Variants in ZNF614 observed in about 807,000 individuals in gnomAD.
The protein encoded by ZNF614 is zinc finger protein 614.
ZNF614 carries 11 observed loss-of-function variants against 12.8 expected under a neutral mutation model. The observed-to-expected ratio is 0.86, with a 90% CI of 0.54 to 1.43. ZNF614 has a LOEUF of 1.43. ZNF614 is among the 40% of genes most tolerant of loss of function. The pLI, the probability that ZNF614 is intolerant of heterozygous loss-of-function variation, is 0.00. For missense variants in ZNF614, 664 were observed against 708.8 expected (o/e 0.94, Z 0.72); for synonymous variants, 237 against 237.5 (o/e 1.00, Z 0.02).
Position 52,013,601 on chromosome 19 carries a change from T to G in ZNF614, c.*2239A>C, listed in dbSNP as rs1182105374. Reference sequence around the variant, plus strand: ...TTCATATAACTTATTTATATAAAATTTATAAAAACCATTTACAAAAACAAT... The same window carrying G: ...TTCATATAACTTATTTATATAAAATGTATAAAAACCATTTACAAAAACAAT... On this transcript the variant is annotated 3_prime_UTR_variant, in exon 5 of 5. Transcript: ENST00000270649. The G allele has an allele frequency of 6.6e-6, 1 of 152,150 alleles. No homozygotes were observed. Among genetic ancestry groups the G allele is most frequent in the Non-Finnish European group, 1.5e-5 (1 of 68,034 alleles). The allele number at this position is 152,150 out of a possible 1,614,324, so 9.4% of individuals were successfully genotyped here.
intron 1 of ZNF614, among the ~76,000 whole-genome samples, chr19:52,027,849 GAAC>G (rs1486116432): frequency 2.0e-5 from 3 of 152,132 alleles, no homozygotes; most frequent in African/African-American, 7.2e-5. Context: ...CCGAAAACTT[GAAC>G]AACATTATCA....
In ZNF614 at chr19:52,025,712, A is replaced by G; in HGVS notation, c.15+19T>C. 6.2e-7 allele frequency: 1 copy of G among 1,613,908 alleles called. No homozygotes were observed. Among genetic ancestry groups the G allele is most frequent in the Non-Finnish European group, 8.5e-7 (1 of 1,179,900 alleles). On this transcript the variant is annotated intron_variant, in intron 2 of 4. Transcript: ENST00000270649. Reference sequence around the variant, plus strand: ...CAGGCCACCATAAATCTATCAAAAAATCAAAGGGAAAATATCACCTGGGTC... The same window carrying G: ...CAGGCCACCATAAATCTATCAAAAAGTCAAAGGGAAAATATCACCTGGGTC...
intron 1 of ZNF614, 75 bp from the exon 2 acceptor site, chr19:52,026,036 TAAATA>T (rs779235343): frequency 3.0e-6 from 1 of 337,982 alleles, no homozygotes; most frequent in Non-Finnish European, 5.5e-6. Flanking sequence ...GCACTTACCT[TAAATA>T]AAAGACCCTA....
At chr19:52,021,144 G>A (rs2086930743) in intron 2 of ZNF614, among the ~76,000 whole-genome samples, 1 of 111,148 alleles carries the variant, frequency 9.0e-6, no homozygotes, top group African/African-American at 2.7e-5. Context: ...CAAACAGACA[G>A]GTAGAAACTG....
Position 52,013,328 on chromosome 19 carries a change from T to G in ZNF614, c.*2512A>C. On this transcript the variant is annotated 3_prime_UTR_variant, in exon 5 of 5. Coordinates refer to ENST00000270649, the MANE Select transcript of ZNF614 (RefSeq NM_025040.4). ...AGCAAAAGCAAAAGCTGTATGTAGATTTCACAGCATCTTTATTTATAGCAC... is the reference window on the plus strand; with the variant it reads ...AGCAAAAGCAAAAGCTGTATGTAGAGTTCACAGCATCTTTATTTATAGCAC... The G allele has an allele frequency of 3.3e-6, 1 of 300,590 alleles. No homozygotes were observed. The highest frequency in any genetic ancestry group is 2.6e-5 in the South Asian group (1 of 38,498). 18.6% of individuals were successfully genotyped at this position (300,590 alleles called of 1,614,324 possible). A position where few individuals can be genotyped will look rare whatever the true frequency, so the allele number is the denominator to read the frequency against.
chr19:52,019,770 GT>G (rs935556544), intron 2 of ZNF614, among the ~76,000 whole-genome samples: 1 of 152,206 alleles, frequency 6.6e-6, no homozygotes, highest in African/African-American at 2.4e-5. Context: ...TCAAGGACCT[GT>G]TTGTCAACTA....
rs539372474 is a variant in ZNF614 at position 52,016,361 on chromosome 19, T to C, written c.1237A>G (p.Thr413Ala). ...TGAGTTCGCTGATGTATAACGAGAG[T>C]GCGTTTGACAGTGAAGCCTTTTCCA... ...ECGKGFTVKR[T>A]LVIHQRTHTG... Residue 413 changes from threonine (T) to alanine (A), a missense_variant, in exon 5 of 5, where the codon ACT becomes GCT. Physicochemically the swap from Thr to Ala is moderately conservative, Grantham distance 58. Coordinates refer to ENST00000270649, the MANE Select transcript of ZNF614 (RefSeq NM_025040.4). 1.2e-5 allele frequency: 20 copies of C among 1,612,848 alleles called. No individual in the cohort carries two copies. Among genetic ancestry groups the C allele is most frequent in the African/African-American group, 2.7e-5 (2 of 74,882 alleles).
chr19:52,024,435 A>G (rs1020207374), intron 2 of ZNF614, among the ~76,000 whole-genome samples: 1 of 152,146 alleles, frequency 6.6e-6, no homozygotes, highest in Non-Finnish European at 1.5e-5. Context: ...ATAGGTATGG[A>G]GAATTGAATT....
Position 52,016,003 on chromosome 19 carries a change from G to A in ZNF614, c.1595C>T (p.Thr532Met), listed in dbSNP as rs1184458756. The A allele has an allele frequency of 7.4e-6, 12 of 1,614,128 alleles. No individual in the cohort carries two copies. Among genetic ancestry groups the A allele is most frequent in the South Asian group, 3.3e-5 (3 of 91,068 alleles). Residue 532 changes from threonine (T) to methionine (M), a missense_variant, in exon 5 of 5, where the codon ACG (threonine) becomes ATG (methionine). Transcript: ENST00000270649. Reference sequence around the variant, plus strand: ...TCCATACGGCCTCTCTCCTGTATGCGTTCTTTGATGTACATTGAGTACTGA... The same window carrying A: ...TCCATACGGCCTCTCTCCTGTATGCATTCTTTGATGTACATTGAGTACTGA... ...TKSVLNVHQR[T>M]HTGERPYGCS...
rs1348491668 is a variant in ZNF614, at chr19:52,028,312, A to G, written c.-287T>C. The G allele has an allele frequency of 6.6e-6, 1 of 152,400 alleles. No homozygotes were observed. The highest frequency in any genetic ancestry group is 2.4e-5 in the African/African-American group (1 of 41,466). The allele number at this position is 152,400 out of a possible 1,614,324, so 9.4% of individuals were successfully genotyped here. On this transcript the variant is annotated 5_prime_UTR_variant, in exon 1 of 5. Transcript: ENST00000270649. ...GCATCCACGTCCGAAAACGCTTCCT[A>G]TTCAGACGCGCTCCTGCGCGGACTC...
chr19:52,021,703 C>G (rs2039675548), intron 2 of ZNF614, among the ~76,000 whole-genome samples: 1 of 151,300 alleles, frequency 6.6e-6, no homozygotes, highest in South Asian at 2.1e-4. Context: ...TGCACTCCAT[C>G]CTGGGGAAGA....
chr19:52,024,609 G>C (rs1447201591), intron 2 of ZNF614, among the ~76,000 whole-genome samples: 2 of 152,188 alleles, frequency 1.3e-5, no homozygotes, highest in Non-Finnish European at 2.9e-5. Flanking sequence ...ATCTGTAACC[G>C]TAGCCCTAAC....
In ZNF614 at chr19:52,016,746, C is replaced by T. The variant is rs1350128791; in HGVS notation, c.852G>A (p.Glu284=). Residue 284 remains glutamate (E), a synonymous_variant, in exon 5 of 5, where the codon GAG becomes GAA. Transcript: ENST00000270649. The part of the protein sequence containing the change: ...LITHQQTHTE[E]KSYMCSECGK... Reference sequence around the variant, plus strand: ...CACACTCACTGCACATATAGGATTTCTCTTCTGTATGGGTTTGTTGATGTG... The same window carrying T: ...CACACTCACTGCACATATAGGATTTTTCTTCTGTATGGGTTTGTTGATGTG... 1.9e-6 allele frequency: 3 copies of T among 1,614,014 alleles called. No homozygotes were observed. Among genetic ancestry groups the T allele is most frequent in the African/African-American group, 1.3e-5 (1 of 74,936 alleles).
chr19:52,015,699 G>C lies in ZNF614; in HGVS notation c.*141C>G, dbSNP rs2086891615. ...AGGGCAAATTATTTCACCTCCTGAG[G>C]ACAGACACACATCTGTCAACAGGCA... On this transcript the variant is annotated 3_prime_UTR_variant, in exon 5 of 5. Coordinates refer to ENST00000270649, the MANE Select transcript of ZNF614 (RefSeq NM_025040.4). The C allele has an allele frequency of 8.9e-6, 7 of 784,424 alleles. No homozygotes were observed. The highest frequency in any genetic ancestry group is 2.6e-5 in the Admixed American group (1 of 38,398). 48.6% of individuals were successfully genotyped at this position (784,424 alleles called of 1,614,324 possible).
At position 52,018,402 on chromosome 19, in the gene ZNF614, C is replaced by T. The variant is rs754726999; in HGVS notation, c.108G>A (p.Val36=). 59 of 1,614,026 alleles carry T rather than the reference C, an allele frequency of 3.7e-5. No homozygotes were observed. Among genetic ancestry groups the T allele is most frequent in the Non-Finnish European group, 4.2e-5 (50 of 1,180,026 alleles). ...CTAGGTGGTTATAGTTCTCCACCAT[C>T]ACATCCCGGTACAGGTTCTTCTGAG... The part of the protein sequence containing the change: ...DTAQKNLYRD[V]MVENYNHLVS... Residue 36 remains valine, a synonymous_variant, in exon 3 of 5, where the codon GTG becomes GTA. Transcript: ENST00000270649.
In ZNF614 at chr19:52,016,662, C is replaced by T. The variant is rs753999781; in HGVS notation, c.936G>A (p.Glu312=). 7 of 1,614,174 alleles carry T rather than the reference C, an allele frequency of 4.3e-6. No homozygotes were observed. The highest frequency in any genetic ancestry group is 5.9e-6 in the Non-Finnish European group (7 of 1,180,030). The stretch of plus-strand genomic sequence containing the variant: ...CACATTCTTTGCACACATAAGGTTT[C>T]TCTCCACTATGAGTTCGCTGATGAG... ...LIAHQRTHSG[E]KPYVCKECGK... The change falls in exon 5 of 5, where the codon GAG becomes GAA. Residue 312 remains glutamate (E), a synonymous_variant. Transcript: ENST00000270649.
chr19:52,026,433 T>C (rs537354115), intron 1 of ZNF614, among the ~76,000 whole-genome samples: 21 of 152,358 alleles, frequency 1.4e-4, no homozygotes, highest in African/African-American at 4.6e-4. Context: ...AAAACGTGCT[T>C]GAAGGCAGTA....
chr19:52,024,782 G>T (rs1023302582), intron 2 of ZNF614, among the ~76,000 whole-genome samples: 5 of 152,192 alleles, frequency 3.3e-5, no homozygotes, highest in African/African-American at 1.2e-4. Flanking sequence ...ACTGCAGAAG[G>T]CCACAGGGGC....
At position 52,015,110 on chromosome 19, in the gene ZNF614, G is replaced by A. The variant is rs113653140; in HGVS notation, c.*730C>T. On this transcript the variant is annotated 3_prime_UTR_variant, in exon 5 of 5. Transcript: ENST00000270649. The stretch of plus-strand genomic sequence containing the variant: ...GTATCCTGACTGAAAATGCACACCA[G>A]GTGTATTAGCTGATGTTTAAGGTTA... 8.5e-5 allele frequency: 13 copies of A among 152,216 alleles called. No individual in the cohort carries two copies. Among genetic ancestry groups the A allele is most frequent in the African/African-American group, 2.4e-4 (10 of 41,520 alleles). 9.4% of individuals were successfully genotyped at this position (152,216 alleles called of 1,614,324 possible).
Sources: gnomAD v4.1 joint callset for allele counts (sites outside exome capture counted in the v4.1 genomes callset) on GRCh38, gnomAD v4.1.1 for gene constraint, MANE v1.5 for transcripts, NCBI Gene and HGNC (gene_info 2026-07-23, HGNC 2026-07-21) for gene names.